The following CFAP46 variants were observed in gnomAD, a reference collection of about 807,000 sequenced individuals.
CFAP46 encodes the protein cilia and flagella associated protein 46, also known as cilia- and flagella-associated protein 46.
A neutral mutation model predicts 325.7 loss-of-function variants in CFAP46; 245 were observed. The ratio of observed to expected loss-of-function variants is 0.75; its 90% confidence interval spans 0.68 to 0.84. CFAP46 has a LOEUF of 0.84. Ranked by LOEUF, CFAP46 falls within the 40% of genes least tolerant of loss-of-function variation. CFAP46 has a pLI of 0.00. For synonymous variants in CFAP46, 1,523 were observed against 1,495.9 expected (o/e 1.02, Z -0.42); for missense variants, 3,346 against 3,543.0 (o/e 0.94, Z 1.41).
intron 22 of CFAP46, among the ~76,000 whole-genome samples, chr10:132,900,323 C>T (rs1025266111): frequency 6.6e-6 from 1 of 152,246 alleles, no homozygotes; most frequent in Admixed American, 6.5e-5. Context: ...GCAGCATCAG[C>T]TCCACGGCTC....
In CFAP46 at chr10:132,886,491, C is replaced by T. The variant is rs892347564; in HGVS notation, c.3305-532G>A. On this transcript the variant is annotated intron_variant, in intron 25 of 57. Transcript: ENST00000368586. The surrounding 1 kb of genome is among the most constrained non-coding windows in gnomAD (Gnocchi z 5.8). Reference sequence around the variant, plus strand: ...GCACACACAAAAATCGCCTGCCTGCCGGGAGGTGAGCCCCACCCAGCCTCC... The same window carrying T: ...GCACACACAAAAATCGCCTGCCTGCTGGGAGGTGAGCCCCACCCAGCCTCC... Among the ~76,000 whole-genome samples, 7 of 152,160 alleles carry T rather than the reference C, an allele frequency of 4.6e-5. No homozygotes were observed. The highest frequency in any genetic ancestry group is 6.5e-5 in the Admixed American group (1 of 15,288).
chr10:132,861,960 C>T (rs145435459), intron 35 of CFAP46, among the ~76,000 whole-genome samples: 202 of 152,280 alleles, frequency 1.3e-3, no homozygotes, highest in African/African-American at 4.2e-3. Flanking sequence ...ATGCCCAGGA[C>T]GAGGGAGGGG....
rs768466466 is a variant in CFAP46 at position 132,938,720 on chromosome 10, G to A, written c.405C>T (p.Leu135=). The change falls in exon 5 of 58, where the codon CTC becomes CTT. Residue 135 remains leucine, a synonymous_variant. Transcript: ENST00000368586. ...GGAACGGCCTCACCATCTGCCAGTAGAGGACTGATGCATTGTACACCAAAA... is the reference window on the plus strand; with the variant it reads ...GGAACGGCCTCACCATCTGCCAGTAAAGGACTGATGCATTGTACACCAAAA... ...YYFLVYNASV[L]YWQMVRPFLK... 3.7e-6 allele frequency: 6 copies of A among 1,613,406 alleles called. No individual in the cohort carries two copies. Among genetic ancestry groups the A allele is most frequent in the African/African-American group, 1.3e-5 (1 of 74,946 alleles).
chr10:132,846,501 C>T (rs1260334358), intron 43 of CFAP46, among the ~76,000 whole-genome samples: 2 of 151,656 alleles, frequency 1.3e-5, no homozygotes, highest in Non-Finnish European at 2.9e-5. Context: ...CTCTGTGGGA[C>T]CTCTGTGAGG....
Position 132,869,281 on chromosome 10 carries a change from G to C in CFAP46, c.4603C>G (p.Gln1535Glu). 1 of 1,535,708 alleles carries C rather than the reference G, an allele frequency of 6.5e-7. No individual in the cohort carries two copies. The highest frequency in any genetic ancestry group is 8.8e-7 in the Non-Finnish European group (1 of 1,142,042). Residue 1535 changes from glutamine (Q) to glutamate (E), a missense_variant, in exon 33 of 58, where the codon CAG (glutamine) becomes GAG (glutamate). Transcript: ENST00000368586. The surrounding 1 kb of genome is among the most constrained non-coding windows in gnomAD (Gnocchi z 6.2). ...GGGTGGGACGGCACACACCTGGCCT[G>C]CTCCAGCTCGCTGACGCACACCTGC... ...VGQVCVSELE[Q>E]ASCRKEIALK...
chr10:132,835,801 G>A (rs1379662673), intron 46 of CFAP46, among the ~76,000 whole-genome samples: 3 of 151,826 alleles, frequency 2.0e-5, no homozygotes, highest in African/African-American at 7.3e-5. Flanking sequence ...GGGCCCGTGT[G>A]CAGGGAACCT....
chr10:132,846,390 C>T (rs975316395), intron 43 of CFAP46, among the ~76,000 whole-genome samples, 163 bp from the exon 44 acceptor site: 13 of 152,188 alleles, frequency 8.5e-5, no homozygotes, highest in African/African-American at 1.4e-4. Context: ...CCTGCAGAGT[C>T]GCGTGGGGCC....
intron 7 of CFAP46, among the ~76,000 whole-genome samples, chr10:132,935,673 C>T (rs1436772693): frequency 7.4e-6 from 1 of 134,940 alleles, no homozygotes; most frequent in African/African-American, 3.0e-5. Context: ...ACACTGAGAT[C>T]TCCTCACTCC....
In CFAP46 at chr10:132,884,007, AAAGACAACTG is replaced by A. The variant is rs748241656; in HGVS notation, c.3627+1086_3627+1095del. On this transcript the variant is annotated intron_variant, in intron 27 of 57. Transcript: ENST00000368586. This position sits in a 1 kb window ranked among gnomAD's most constrained non-coding sequence, Gnocchi z 5.4. ...ACTAAAAACATGTTGTACCTCTAACAAAGACAACTGAAGGAAGGACTCGGGTAAGTGAAGA... is the reference window on the plus strand; with the variant it reads ...ACTAAAAACATGTTGTACCTCTAACAAAGGAAGGACTCGGGTAAGTGAAGA... Among the ~76,000 whole-genome samples, 2 of 152,212 alleles carry A rather than the reference AAAGACAACTG, an allele frequency of 1.3e-5. No individual in the cohort carries two copies. Among genetic ancestry groups the A allele is most frequent in the Non-Finnish European group, 2.9e-5 (2 of 68,030 alleles).
At chr10:132,899,695 G>T (rs1474075695) in intron 22 of CFAP46, 29 bp from the exon 23 acceptor site, 2 of 1,535,126 alleles carry the variant, frequency 1.3e-6, no homozygotes, top group African/African-American at 2.7e-5. Flanking sequence ...TGAGGAGGGA[G>T]GCCACTGTGG....
At chr10:132,825,720 A>G (rs1848034042) in intron 50 of CFAP46, among the ~76,000 whole-genome samples, 1 of 152,230 alleles carries the variant, frequency 6.6e-6, no homozygotes, top group Non-Finnish European at 1.5e-5. Context: ...CATTCATATA[A>G]ACAATAAAAA....
chr10:132,812,258 C>A (rs1262383412), intron 55 of CFAP46, among the ~76,000 whole-genome samples: 1 of 152,248 alleles, frequency 6.6e-6, no homozygotes, highest in Non-Finnish European at 1.5e-5. Flanking sequence ...CCCTGCCATC[C>A]CCACCTCCTG....
Position 132,906,788 on chromosome 10 carries a change from T to C in CFAP46, c.2924+1680A>G, listed in dbSNP as rs1849462942. ...GCACCGAGAAGAGTGAACGGGGTCC[T>C]GGCGCGTGATGCCCCATCCTGGGCA... On this transcript the variant is annotated intron_variant, in intron 22 of 57. Transcript: ENST00000368586. Among the ~76,000 whole-genome samples, 3 of 132,028 alleles carry C rather than the reference T, an allele frequency of 2.3e-5. No homozygotes were observed. The South Asian group carries it at 7.3e-4, about 32-fold the overall frequency. 86.6% of individuals were successfully genotyped at this position (132,028 alleles called of 152,430 possible). A position where few individuals can be genotyped will look rare whatever the true frequency, so the allele number is the denominator to read the frequency against.
chr10:132,846,862 C>A, intron 43 of CFAP46, 70 bp downstream of exon 43: 2 of 1,509,434 alleles, frequency 1.3e-6, no homozygotes, highest in Admixed American at 2.1e-5. Flanking sequence ...GGCGAGGGCC[C>A]CAGCTGAAGC....
In CFAP46 at chr10:132,908,312, C is replaced by T. The variant is rs146777408; in HGVS notation, c.2924+156G>A. 4.9e-3 allele frequency: 3,993 copies of T among 821,358 alleles called. 89 individuals are homozygous for T. In the African/African-American group the frequency reaches 0.049, roughly 10 times the overall value. 50.9% of individuals were successfully genotyped at this position (821,358 alleles called of 1,614,324 possible). ...TTGGGGACCTGGTGGGGCGCTCACA[C>T]GCGCCCTGATCTGTGATCGCGGCCC... On this transcript the variant is annotated intron_variant, in intron 22 of 57. Transcript: ENST00000368586.
At chr10:132,871,178 G>T (rs187884875) in intron 32 of CFAP46, among the ~76,000 whole-genome samples, 1 of 152,362 alleles carries the variant, frequency 6.6e-6, no homozygotes, top group African/African-American at 2.4e-5. Flanking sequence ...GAGACCTACT[G>T]CTCAGAAAAA....
rs1338986138 is a variant in CFAP46, at chr10:132,885,745, G to GGGAGCACTCATAGGCGGTGGGT, written c.3443+75_3443+76insACCCACCGCCTATGAGTGCTCC. On this transcript the variant is annotated intron_variant, in intron 26 of 57. Coordinates refer to ENST00000368586, the MANE Select transcript of CFAP46 (RefSeq NM_001200049.3). ...GGGTGGAGCACTCACAGGCGGTGTGGGGAGCACTCACAGGCGGTGGGGGGA... is the reference window on the plus strand; with the variant it reads ...GGGTGGAGCACTCACAGGCGGTGTGGGGAGCACTCATAGGCGGTGGGTGGAGCACTCACAGGCGGTGGGGGGA... 19 of 1,449,310 alleles carry GGGAGCACTCATAGGCGGTGGGT rather than the reference G, an allele frequency of 1.3e-5. No individual in the cohort carries two copies. The African/African-American group carries it at 2.0e-4, about 15-fold the overall frequency. The allele number at this position is 1,449,310 out of a possible 1,614,324, so 89.8% of individuals were successfully genotyped here.
rs560456874 is a variant in CFAP46, at chr10:132,927,298, C to T, written c.967-632G>A. On this transcript the variant is annotated intron_variant, in intron 9 of 57. Transcript: ENST00000368586. ...CATCTTCACAACTATCAGACACAGA[C>T]GTCCCGGGGAGCAGGTCCTCGGCGG... is the stretch of plus-strand genomic sequence containing the variant. Among the ~76,000 whole-genome samples the T allele has an allele frequency of 2.6e-3, 392 of 151,118 alleles. 6 individuals are homozygous for T. Among genetic ancestry groups the T allele is most frequent in the African/African-American group, 9.2e-3 (373 of 40,582 alleles).
At chr10:132,900,822 T>G (rs1006512018) in intron 22 of CFAP46, among the ~76,000 whole-genome samples, 4 of 152,266 alleles carry the variant, frequency 2.6e-5, no homozygotes. Context: ...CCTCAGTGAC[T>G]TCCCCCCTAC....
Sources: allele counts gnomAD v4.1 joint callset (sites outside exome capture counted in the v4.1 genomes callset), GRCh38; gene constraint gnomAD v4.1.1; non-coding constraint Gnocchi (gnomAD v3.1); transcripts MANE v1.5; gene names NCBI Gene and HGNC (gene_info 2026-07-23, HGNC 2026-07-21).